The following CCDC3 variants were observed in gnomAD, a reference collection of about 807,000 sequenced individuals.
CCDC3 encodes coiled-coil domain containing 3.
In CCDC3, 24 loss-of-function variants were observed where a neutral mutation model predicts 21.4. The observed-to-expected ratio is 1.12, with a 90% CI of 0.81 to 1.58. The LOEUF is 1.58. Among genes scored for constraint, CCDC3 ranks in the 40% most tolerant of loss-of-function variants. CCDC3 has a pLI of 0.00. For missense variants in CCDC3, 425 were observed against 360.9 expected, an observed-to-expected ratio of 1.18 and a Z score of -1.44; for synonymous variants, 186 against 166.0, an observed-to-expected ratio of 1.12 and a Z score of -0.93.
intron 2 of CCDC3, among the ~76,000 whole-genome samples, chr10:12,916,208 C>G (rs186685132): frequency 2.4e-4 from 36 of 152,178 alleles, no homozygotes; most frequent in South Asian, 4.1e-4. Context: ...CCAAGGTGGG[C>G]GGATCACAAG....
At chr10:13,056,750 T>C (rs968040230) in intron 4 of CCDC3, among the ~76,000 whole-genome samples, 1 of 152,210 alleles carries the variant, frequency 6.6e-6, no homozygotes, top group Non-Finnish European at 1.5e-5. Context: ...CTTAGTACTC[T>C]AGAATTTTCA....
At chr10:13,033,818 C>T (rs1329282877) in intron 5 of CCDC3, among the ~76,000 whole-genome samples, 4 of 152,124 alleles carry the variant, frequency 2.6e-5, no homozygotes, top group African/African-American at 9.7e-5. Flanking sequence ...GTTAGAATGG[C>T]AATCATTAAA....
chr10:13,039,240 A>C (rs1836417948), intron 5 of CCDC3, among the ~76,000 whole-genome samples: 1 of 152,068 alleles, frequency 6.6e-6, no homozygotes, highest in African/African-American at 2.4e-5. Flanking sequence ...ACATAGTGAA[A>C]CCCCGTTTCT....
At chr10:13,032,816 A>G (rs1468245257) in intron 5 of CCDC3, among the ~76,000 whole-genome samples, 1 of 152,228 alleles carries the variant, frequency 6.6e-6, no homozygotes, top group African/African-American at 2.4e-5. Flanking sequence ...GAAGAACTAC[A>G]AAACACTGCT....
chr10:12,953,049 C>G (rs1835031032), intron 2 of CCDC3, among the ~76,000 whole-genome samples: 1 of 151,934 alleles, frequency 6.6e-6, no homozygotes, highest in Non-Finnish European at 1.5e-5. Flanking sequence ...CGTTTTCACA[C>G]TGCTGATAAA....
intron 4 of CCDC3, chr10:13,057,870 G>C: frequency 2.2e-6 from 1 of 446,544 alleles, no homozygotes; most frequent in Non-Finnish European, 4.2e-6. Context: ...GACAGTGCGA[G>C]ACTCTGTCTC....
At chr10:13,084,338 T>C (rs141222021) in intron 3 of CCDC3, among the ~76,000 whole-genome samples, 1,642 of 149,754 alleles carry the variant, frequency 0.011, 21 homozygotes, top group Middle Eastern at 0.038. Context: ...CAGGCTGGAA[T>C]GCAATGGCAC....
chr10:13,015,971 G>A (rs1836053056), intron 5 of CCDC3, among the ~76,000 whole-genome samples: 1 of 151,944 alleles, frequency 6.6e-6, no homozygotes, highest in African/African-American at 2.4e-5. Flanking sequence ...AAAACACAAA[G>A]GATAAATGCT....
At chr10:13,077,919 T>A (rs1165335707) in intron 3 of CCDC3, among the ~76,000 whole-genome samples, 1 of 152,144 alleles carries the variant, frequency 6.6e-6, no homozygotes, top group Non-Finnish European at 1.5e-5. Flanking sequence ...GAAGAAAACC[T>A]AGGCAATACC....
Position 12,896,749 on chromosome 10 carries a change from G to C in CCDC3, c.*1667C>G, listed in dbSNP as rs755526550. ...ACCCTTAGGCTGACCATTCCCTTGC[G>C]GGGGCGCAAAACTGCTTTGAGGAAA... On this transcript the variant is annotated 3_prime_UTR_variant, in exon 3 of 3. Transcript: ENST00000378825. 1 of 152,664 alleles carries C rather than the reference G, an allele frequency of 6.6e-6. No individual in the cohort carries two copies. Among genetic ancestry groups the C allele is most frequent in the African/African-American group, 2.4e-5 (1 of 41,376 alleles). 9.5% of individuals were successfully genotyped at this position (152,664 alleles called of 1,614,324 possible). A position where few individuals can be genotyped will look rare whatever the true frequency, so the allele number is the denominator to read the frequency against.
At chr10:13,046,033 G>A (rs1274421763) in intron 5 of CCDC3, among the ~76,000 whole-genome samples, 1 of 152,070 alleles carries the variant, frequency 6.6e-6, no homozygotes, top group African/African-American at 2.4e-5. Context: ...AGAGGTTGCA[G>A]TAAGCTGAGA....
At chr10:12,962,644 C>T (rs933155244) in intron 2 of CCDC3, among the ~76,000 whole-genome samples, 8 of 152,098 alleles carry the variant, frequency 5.3e-5, no homozygotes, top group Admixed American at 2.6e-4. Context: ...TGTTACATTT[C>T]GAACGGCTTA....
Position 13,022,608 on chromosome 10 carries a change from C to T in CCDC3, c.-1-24096G>A, listed in dbSNP as rs545692065. Among the ~76,000 whole-genome samples the T allele has an allele frequency of 2.0e-5, 3 of 152,260 alleles. No individual in the cohort carries two copies. In the East Asian group the frequency reaches 5.8e-4, roughly 29 times the overall value. On this transcript the variant is annotated intron_variant, in intron 5 of 6. Transcript: ENST00000378839. The stretch of plus-strand genomic sequence containing the variant: ...AAAGTAATGGCAAAAACTGCAATTT[C>T]TTTTGCCCCAACCTAATGCAAGGGG...
chr10:13,000,598 G>C (rs961068561), intron 1 of CCDC3, among the ~76,000 whole-genome samples: 1 of 152,060 alleles, frequency 6.6e-6, no homozygotes, highest in Non-Finnish European at 1.5e-5. Context: ...AAGCAATCCC[G>C]GGCTACATTC....
chr10:13,042,328 T>A (rs1213372567), intron 5 of CCDC3, among the ~76,000 whole-genome samples: 1 of 152,202 alleles, frequency 6.6e-6, no homozygotes. Context: ...AGGACCAACA[T>A]TTCACCTTCT....
intron 2 of CCDC3, among the ~76,000 whole-genome samples, chr10:12,932,756 G>T (rs2131228903): frequency 6.6e-6 from 1 of 152,280 alleles, no homozygotes; most frequent in Non-Finnish European, 1.5e-5. Flanking sequence ...TAGCGGGAAA[G>T]CTTTGGGCTT....
Position 12,929,295 on chromosome 10 carries a change from C to T in CCDC3, c.550-30616G>A, listed in dbSNP as rs528427921. ...AAAAAAAAAAAAAGAACAGAATAGA[C>T]CCCACCTTCCTCTGAGTTTTATTTT... On this transcript the variant is annotated intron_variant, in intron 2 of 2. Transcript: ENST00000378825. Among the ~76,000 whole-genome samples the T allele has an allele frequency of 4.9e-4, 74 of 151,282 alleles. 2 individuals carry two copies. In the South Asian group the frequency reaches 0.016, roughly 32 times the overall value.
intron 5 of CCDC3, among the ~76,000 whole-genome samples, chr10:13,013,263 T>C (rs1836005392): frequency 6.6e-6 from 1 of 152,184 alleles, no homozygotes; most frequent in Admixed American, 6.5e-5. Context: ...TCTGGAGAAA[T>C]AGATGATTTC....
At chr10:12,932,080 G>C (rs1400935196) in intron 2 of CCDC3, among the ~76,000 whole-genome samples, 1 of 152,156 alleles carries the variant, frequency 6.6e-6, no homozygotes, top group Non-Finnish European at 1.5e-5. Context: ...CATTTGTTTA[G>C]TTCTTTAATA....
Sources: gnomAD v4.1 joint callset for allele counts (sites outside exome capture counted in the v4.1 genomes callset) on GRCh38, gnomAD v4.1.1 for gene constraint, MANE v1.5 for transcripts, NCBI Gene and HGNC (gene_info 2026-07-23, HGNC 2026-07-21) for gene names.